CLEC2L: variants seen among roughly 807,000 people sequenced by gnomAD.
CLEC2L encodes C-type lectin domain family 2 member L.
CLEC2L carries 14 observed loss-of-function variants against 23.6 expected under a neutral mutation model. The observed-to-expected ratio is 0.59, with a 90% CI of 0.39 to 0.93. CLEC2L has a LOEUF of 0.93. Ranked by LOEUF, CLEC2L falls within the 40% of genes least tolerant of loss-of-function variation. The pLI, the probability that CLEC2L is intolerant of heterozygous loss-of-function variation, is 0.00. For synonymous variants in CLEC2L, 114 were observed against 121.3 expected (o/e 0.94, Z 0.40); for missense variants, 264 against 282.4 (o/e 0.93, Z 0.47).
intron 2 of CLEC2L, among the ~76,000 whole-genome samples, chr7:139,538,430 C>CAAAA (rs34520005): frequency 2.8e-4 from 27 of 98,110 alleles, no homozygotes; most frequent in African/African-American, 9.1e-4. Context: ...GACTCTGTCT[C>CAAAA]AAAAAAAAAA....
rs1464909145 is a variant in CLEC2L, at chr7:139,544,710, C to T, written c.*368C>T. On this transcript the variant is annotated 3_prime_UTR_variant, in exon 5 of 5. Coordinates refer to ENST00000422142, the MANE Select transcript of CLEC2L (RefSeq NM_001080511.4). The stretch of plus-strand genomic sequence containing the variant: ...TCCGGCCCCCTAGAAGCCCTCTCCT[C>T]ACTGCAGCCCTGGTGCTCTGGGGAA... The T allele has an allele frequency of 5.6e-6, 1 of 177,690 alleles. No homozygotes were observed. The highest frequency in any genetic ancestry group is 1.2e-5 in the Non-Finnish European group (1 of 84,620). The allele number at this position is 177,690 out of a possible 1,614,324, so 11.0% of individuals were successfully genotyped here. A position where few individuals can be genotyped will look rare whatever the true frequency, so the allele number is the denominator to read the frequency against.
intron 3 of CLEC2L, among the ~76,000 whole-genome samples, chr7:139,541,743 G>A (rs1294027414): frequency 6.6e-6 from 1 of 152,188 alleles, no homozygotes; most frequent in East Asian, 1.9e-4. Context: ...CAGCCTTCCT[G>A]GCCAGTGGCA....
intron 1 of CLEC2L, among the ~76,000 whole-genome samples, chr7:139,526,526 G>A (rs1797509773): frequency 6.6e-6 from 1 of 152,166 alleles, no homozygotes; most frequent in South Asian, 2.1e-4. Flanking sequence ...GCAACATCCG[G>A]GTACCATTCT....
At chr7:139,541,885 A>G in intron 3 of CLEC2L, 136 bp from the exon 4 acceptor site, 1 of 663,586 alleles carries the variant, frequency 1.5e-6, no homozygotes, top group Non-Finnish European at 2.7e-6. Flanking sequence ...TGCGGGATTC[A>G]GCGAGACAAC....
chr7:139,530,760 C>T (rs1281214127), intron 1 of CLEC2L, among the ~76,000 whole-genome samples: 4 of 142,434 alleles, frequency 2.8e-5, no homozygotes, highest in Non-Finnish European at 4.5e-5. Context: ...TTGCAGTGAG[C>T]TGAGATCGCA....
intron 2 of CLEC2L, among the ~76,000 whole-genome samples, chr7:139,537,896 C>T (rs143610084): frequency 2.8e-4 from 42 of 152,270 alleles, no homozygotes; most frequent in African/African-American, 9.9e-4. Flanking sequence ...CAACTAAGAA[C>T]ATGTGAGGCT....
In CLEC2L at chr7:139,528,065, C is replaced by T. The variant is rs556563176; in HGVS notation, c.190+3948C>T. On this transcript the variant is annotated intron_variant, in intron 1 of 4. Coordinates refer to ENST00000422142, the MANE Select transcript of CLEC2L (RefSeq NM_001080511.4). The stretch of plus-strand genomic sequence containing the variant: ...ACACACATTTAGAAACCTAAATAAA[C>T]TACACCCTTATACGCCATCTAATAT... Among the ~76,000 whole-genome samples the T allele has an allele frequency of 1.1e-4, 17 of 152,236 alleles. No homozygotes were observed. In the East Asian group the frequency reaches 2.7e-3, roughly 24 times the overall value.
At chr7:139,527,694 T>C (rs947992646) in intron 1 of CLEC2L, among the ~76,000 whole-genome samples, 2 of 151,724 alleles carry the variant, frequency 1.3e-5, no homozygotes, top group Non-Finnish European at 2.9e-5. Context: ...GGCCTGGGGG[T>C]ATGGGAGAGG....
chr7:139,544,110 G>C (rs557091994), intron 4 of CLEC2L, 121 bp from the exon 5 acceptor site: 9 of 678,970 alleles, frequency 1.3e-5, no homozygotes, highest in African/African-American at 1.2e-4. Flanking sequence ...GTCCTAGAAG[G>C]CAGCTCCAGT....
In CLEC2L at chr7:139,535,972, A is replaced by G. The variant is rs537302724; in HGVS notation, c.191-302A>G. Among the ~76,000 whole-genome samples the G allele has an allele frequency of 1.3e-4, 20 of 152,362 alleles. No individual in the cohort carries two copies. In the East Asian group the frequency reaches 3.7e-3, roughly 28 times the overall value. ...GCTGCGCTCTACAGCAGTGGATCGC[A>G]AACTCCAGCCTGCATCAGAATCACC... On this transcript the variant is annotated intron_variant, in intron 1 of 4. Transcript: ENST00000422142.
chr7:139,523,945 G>GC lies in CLEC2L; in HGVS notation c.24dup (p.Ser9LeufsTer29), dbSNP rs948061483. The GC allele has an allele frequency of 2.3e-5, 22 of 974,068 alleles. No individual in the cohort carries two copies. Among genetic ancestry groups the GC allele is most frequent in the Non-Finnish European group, 2.6e-5 (21 of 822,890 alleles). 60.3% of individuals were successfully genotyped at this position (974,068 alleles called of 1,614,324 possible). On this transcript the variant is annotated frameshift_variant, in exon 1 of 5. Coordinates refer to ENST00000422142, the MANE Select transcript of CLEC2L (RefSeq NM_001080511.4). LOFTEE classifies it high-confidence loss of function. This position sits in a 1 kb window ranked among gnomAD's most constrained non-coding sequence, Gnocchi z 4.1. ...CGCCCCGCATGGAGCCGGCCCGGGA[G>GC]CCCCCCTCGCGGGCCCGGCCGCCGC...
In CLEC2L at chr7:139,535,460, C is replaced by T. The variant is rs576365992; in HGVS notation, c.191-814C>T. Among the ~76,000 whole-genome samples, 5 of 152,218 alleles carry T rather than the reference C, an allele frequency of 3.3e-5. No homozygotes were observed. The South Asian group carries it at 1.0e-3, about 32-fold the overall frequency. ...ACAGACAGTGATGATGGTTGCACAACATTGTGAGTGTACTTAATGCCACTA... is the reference window on the plus strand; with the variant it reads ...ACAGACAGTGATGATGGTTGCACAATATTGTGAGTGTACTTAATGCCACTA... On this transcript the variant is annotated intron_variant, in intron 1 of 4. Transcript: ENST00000422142.
chr7:139,533,264 C>T (rs1442010599), intron 1 of CLEC2L, among the ~76,000 whole-genome samples: 1 of 152,154 alleles, frequency 6.6e-6, no homozygotes, highest in Non-Finnish European at 1.5e-5. Context: ...TATTTACATA[C>T]ACATGGCACT....
intron 1 of CLEC2L, among the ~76,000 whole-genome samples, chr7:139,529,143 A>G (rs1358117746): frequency 2.6e-5 from 4 of 152,080 alleles, no homozygotes; most frequent in African/African-American, 9.7e-5. Context: ...CCTTACCCCA[A>G]AGGAGCCTAG....
chr7:139,527,120 T>A (rs1473474547), intron 1 of CLEC2L, among the ~76,000 whole-genome samples: 1 of 152,216 alleles, frequency 6.6e-6, no homozygotes, highest in Non-Finnish European at 1.5e-5. Flanking sequence ...GCTTTCATAG[T>A]CATCATCTCA....
rs143940980 is a variant in CLEC2L at position 139,527,693 on chromosome 7, G to T, written c.190+3576G>T. 2.9e-3 allele frequency among the ~76,000 whole-genome samples: 440 copies of T among 152,248 alleles called. 3 individuals carry two copies. The highest frequency in any genetic ancestry group is 7.7e-3 in the African/African-American group (318 of 41,530). ...GGCAGTGGGGCAGAGTGGCCTGGGG[G>T]TATGGGAGAGGGGACAGAGTGAGCC... On this transcript the variant is annotated intron_variant, in intron 1 of 4. Transcript: ENST00000422142.
Position 139,540,547 on chromosome 7 carries a change from C to G in CLEC2L, c.432+60C>G, listed in dbSNP as rs1408425427. ...GGACCCTCAGGGCCCCCAACCTTGA[C>G]TCTAGGGGACAGCCACACAGTAAAG... On this transcript the variant is annotated intron_variant, in intron 3 of 4. Transcript: ENST00000422142. The surrounding 1 kb of genome is among the most constrained non-coding windows in gnomAD (Gnocchi z 5.8). The G allele has an allele frequency of 2.6e-6, 4 of 1,529,828 alleles. No homozygotes were observed. Among genetic ancestry groups the G allele is most frequent in the Non-Finnish European group, 3.5e-6 (4 of 1,129,666 alleles). 94.8% of individuals were successfully genotyped at this position (1,529,828 alleles called of 1,614,324 possible).
chr7:139,523,821 A>G lies in CLEC2L; in HGVS notation c.-107A>G. ...CAGCGCCGCGGTCCTAGCCCACCCGAGGCCGGCCTGGGGGGCCCGCAGGGC... is the reference window on the plus strand; with the variant it reads ...CAGCGCCGCGGTCCTAGCCCACCCGGGGCCGGCCTGGGGGGCCCGCAGGGC... On this transcript the variant is annotated 5_prime_UTR_variant, in exon 1 of 5. Coordinates refer to ENST00000422142, the MANE Select transcript of CLEC2L (RefSeq NM_001080511.4). The surrounding 1 kb of genome is among the most constrained non-coding windows in gnomAD (Gnocchi z 4.1). 5.5e-6 allele frequency: 4 copies of G among 731,018 alleles called. No individual in the cohort carries two copies. Among genetic ancestry groups the G allele is most frequent in the Non-Finnish European group, 6.7e-6 (4 of 600,104 alleles). The allele number at this position is 731,018 out of a possible 1,614,324, so 45.3% of individuals were successfully genotyped here. A position where few individuals can be genotyped will look rare whatever the true frequency, so the allele number is the denominator to read the frequency against.
rs1032976529 is a variant in CLEC2L, at chr7:139,539,244, T to C, written c.266-1077T>C. Reference sequence around the variant, plus strand: ...GGTGAAAGAAATCAAGATTAAAATGTATCTTGAATAACTCAAATGATGAGC... The same window carrying C: ...GGTGAAAGAAATCAAGATTAAAATGCATCTTGAATAACTCAAATGATGAGC... On this transcript the variant is annotated intron_variant, in intron 2 of 4. Transcript: ENST00000422142. The surrounding 1 kb of genome is among the most constrained non-coding windows in gnomAD (Gnocchi z 4.1). 4 of 152,244 alleles carry C rather than the reference T, an allele frequency of 2.6e-5. No individual in the cohort carries two copies. Among genetic ancestry groups the C allele is most frequent in the South Asian group, 2.1e-4 (1 of 4,828 alleles). 9.4% of individuals were successfully genotyped at this position (152,244 alleles called of 1,614,324 possible).
Sources: gnomAD v4.1 joint callset for allele counts (sites outside exome capture counted in the v4.1 genomes callset) on GRCh38, gnomAD v4.1.1 for gene constraint, Gnocchi (gnomAD v3.1) non-coding constraint, MANE v1.5 for transcripts, NCBI Gene and HGNC (gene_info 2026-07-23, HGNC 2026-07-21) for gene names.